The following TCP11L1 variants were observed in gnomAD, a reference collection of about 807,000 sequenced individuals.
The protein encoded by TCP11L1 is t-complex 11 like 1, also known as T-complex protein 11-like protein 1.
A neutral mutation model predicts 48.9 loss-of-function variants in TCP11L1; 28 were observed. The observed-to-expected ratio is 0.57, with a 90% CI of 0.42 to 0.78. The LOEUF (loss-of-function observed/expected upper bound fraction) is 0.78. Ranked by LOEUF, TCP11L1 falls within the 30% of genes least tolerant of loss-of-function variation. The pLI, the probability that TCP11L1 is intolerant of heterozygous loss-of-function variation, is 0.00. For synonymous variants in TCP11L1, 204 were observed against 231.9 expected, an observed-to-expected ratio of 0.88 and a Z score of 1.09; for missense variants, 505 against 613.4, an observed-to-expected ratio of 0.82 and a Z score of 1.87.
intron 1 of TCP11L1, chr11:33,040,227 T>G (rs1853790962): frequency 6.6e-6 from 1 of 152,100 alleles, no homozygotes; most frequent in Admixed American, 6.6e-5. Flanking sequence ...CCTCCTCCCC[T>G]CGGCTCTCTT....
At chr11:33,062,347 A>T (rs1043797524) in intron 7 of TCP11L1, among the ~76,000 whole-genome samples, 1 of 131,832 alleles carries the variant, frequency 7.6e-6, no homozygotes, top group African/African-American at 2.9e-5. Context: ...TTCTGTCTCT[A>T]TGGATTTGCC....
At chr11:33,053,030 C>T (rs908744625) in intron 2 of TCP11L1, among the ~76,000 whole-genome samples, 1 of 152,016 alleles carries the variant, frequency 6.6e-6, no homozygotes, top group Non-Finnish European at 1.5e-5. Flanking sequence ...ATTCTTTGGC[C>T]CTGCTCCAGA....
At chr11:33,040,767 TCCTCTCCCCC>T (rs1564971172) in intron 1 of TCP11L1, 13 of 61,040 alleles carry the variant, frequency 2.1e-4, no homozygotes, top group African/African-American at 7.3e-4. Flanking sequence ...CCTTTTCACC[TCCTCTCCCCC>T]TCCTCTCCCC....
intron 4 of TCP11L1, 94 bp downstream of exon 4, chr11:33,057,329 A>G (rs1854339615): frequency 6.4e-7 from 1 of 1,558,112 alleles, no homozygotes; most frequent in Non-Finnish European, 8.7e-7. Flanking sequence ...AAAGAAATTG[A>G]AGGATCAAGA....
chr11:33,057,891 G>C, intron 4 of TCP11L1, 28 bp from the exon 5 acceptor site: 4 of 1,563,082 alleles, frequency 2.6e-6, no homozygotes, highest in Non-Finnish European at 3.5e-6. Context: ...AAAGAATTTT[G>C]ATTAAACGTA....
At chr11:33,066,551 C>T (rs991293473) in intron 8 of TCP11L1, among the ~76,000 whole-genome samples, 31 of 152,100 alleles carry the variant, frequency 2.0e-4, no homozygotes, top group Middle Eastern at 3.4e-3. Flanking sequence ...AGAGGTCCCG[C>T]GGCCCTCCAT....
chr11:33,062,240 T>C (rs963130180), intron 7 of TCP11L1, among the ~76,000 whole-genome samples: 6 of 152,214 alleles, frequency 3.9e-5, no homozygotes, highest in African/African-American at 1.4e-4. Flanking sequence ...CACTGTTTAA[T>C]TGAGAACATT....
At chr11:33,072,188 C>T (rs1854810605) in intron 9 of TCP11L1, among the ~76,000 whole-genome samples, 1 of 152,152 alleles carries the variant, frequency 6.6e-6, no homozygotes, top group Non-Finnish European at 1.5e-5. Flanking sequence ...TGAGCTTCTC[C>T]TGGGAGCTGG....
At position 33,050,921 on chromosome 11, in the gene TCP11L1, T is replaced by A. The variant is rs188577969; in HGVS notation, c.164-3672T>A. Among the ~76,000 whole-genome samples the A allele has an allele frequency of 7.9e-5, 12 of 152,124 alleles. No individual in the cohort carries two copies. In the East Asian group the frequency reaches 2.3e-3, roughly 29 times the overall value. ...TTCTGCCTCCTGGGCTTAAGCCATCTTCCCGTCTCAGCCTCCTGAGTAGCT... is the reference window on the plus strand; with the variant it reads ...TTCTGCCTCCTGGGCTTAAGCCATCATCCCGTCTCAGCCTCCTGAGTAGCT... On this transcript the variant is annotated intron_variant, in intron 2 of 9. Transcript: ENST00000334274.
Position 33,065,947 on chromosome 11 carries a change from C to T in TCP11L1, c.1090C>T (p.Gln364Ter), listed in dbSNP as rs757377605. ...CATGGCAGCGCCAGGAATTTCCAGC[C>T]AGGCCGACTTTGCTGAGAAACTCAA... Reference protein sequence around the residue: ...FSMAAPGISSQADFAEKLKMI... With the variant: ...FSMAAPGISS Residue 364 changes from glutamine (Q) to a stop codon, truncating the protein, a stop_gained, in exon 8 of 10, where the codon CAG becomes TAG. Transcript: ENST00000334274. LOFTEE classifies it high-confidence loss of function. The T allele has an allele frequency of 5.6e-6, 9 of 1,614,078 alleles. No individual in the cohort carries two copies. Among genetic ancestry groups the T allele is most frequent in the Admixed American group, 1.7e-5 (1 of 60,014 alleles).
chr11:33,058,051 A>G lies in TCP11L1; in HGVS notation c.550A>G (p.Ile184Val), dbSNP rs531452154. The part of the protein sequence containing the change: ...LDISKLAEFI[I>V]GMMGTLCAPA... ...CATTTCCAAGCTGGCAGAATTCATTATTGGCATGATGGGGACACTGTGTGC... is the reference window on the plus strand; with the variant it reads ...CATTTCCAAGCTGGCAGAATTCATTGTTGGCATGATGGGGACACTGTGTGC... The change falls in exon 5 of 10, where the codon ATT (isoleucine) becomes GTT (valine). Residue 184 changes from isoleucine to valine, a missense_variant. Transcript: ENST00000334274. The G allele has an allele frequency of 3.1e-6, 5 of 1,614,054 alleles. No homozygotes were observed. The highest frequency in any genetic ancestry group is 4.2e-6 in the Non-Finnish European group (5 of 1,180,026).
intron 8 of TCP11L1, among the ~76,000 whole-genome samples, chr11:33,066,550 G>A (rs553397652): frequency 1.1e-4 from 16 of 152,026 alleles, no homozygotes; most frequent in Non-Finnish European, 1.8e-4. Flanking sequence ...TAGAGGTCCC[G>A]CGGCCCTCCA....
Position 33,057,951 on chromosome 11 carries a change from T to G in TCP11L1, c.450T>G (p.Thr150=). The G allele has an allele frequency of 6.2e-7, 1 of 1,614,108 alleles. No homozygotes were observed. Among genetic ancestry groups the G allele is most frequent in the Admixed American group, 1.7e-5 (1 of 60,014 alleles). Residue 150 remains threonine, a synonymous_variant, in exon 5 of 10, where the codon ACT becomes ACG. Coordinates refer to ENST00000334274, the MANE Select transcript of TCP11L1 (RefSeq NM_018393.4). ...TATCTTTCTTGCTGCCTGGTCATAC[T>G]AGACTGAGAAACCAGATAACAGAAG... ...TLLSFLLPGH[T]RLRNQITEVL... is the part of the protein sequence containing the mutation.
chr11:33,050,777 A>G (rs1264822520), intron 2 of TCP11L1, among the ~76,000 whole-genome samples: 1 of 151,740 alleles, frequency 6.6e-6, no homozygotes, highest in African/African-American at 2.4e-5. Flanking sequence ...TATCTAAGAA[A>G]TCTTTGCCTA....
intron 2 of TCP11L1, among the ~76,000 whole-genome samples, chr11:33,051,592 A>G (rs570939311): frequency 1.3e-5 from 2 of 152,114 alleles, no homozygotes; most frequent in Non-Finnish European, 2.9e-5. Context: ...GCAGTGGCAC[A>G]ATCTCAGCTC....
At chr11:33,042,927 A>G (rs1275245207) in intron 1 of TCP11L1, among the ~76,000 whole-genome samples, 3 of 152,220 alleles carry the variant, frequency 2.0e-5, no homozygotes, top group Non-Finnish European at 2.9e-5. Context: ...TCAGCCAGGC[A>G]TGGTGGTGGG....
intron 7 of TCP11L1, 24 bp from the exon 8 acceptor site, chr11:33,065,806 G>A (rs977206535): frequency 2.0e-5 from 32 of 1,601,212 alleles, no homozygotes; most frequent in Non-Finnish European, 2.6e-5. Context: ...GCAGCTCAGC[G>A]ATGGCCTCTT....
chr11:33,045,067 AG>A (rs2133692599), intron 2 of TCP11L1, among the ~76,000 whole-genome samples: 1 of 152,332 alleles, frequency 6.6e-6, no homozygotes, highest in African/African-American at 2.4e-5. Context: ...TAAAGATGCC[AG>A]GATTGGCCAG....
chr11:33,071,538 CAA>C (rs1036736521), intron 9 of TCP11L1, among the ~76,000 whole-genome samples: 5 of 152,116 alleles, frequency 3.3e-5, no homozygotes, highest in African/African-American at 9.7e-5. Context: ...TGAGGATACA[CAA>C]GAGTACAAAA....
Sources: allele counts gnomAD v4.1 joint callset (sites outside exome capture counted in the v4.1 genomes callset), GRCh38; gene constraint gnomAD v4.1.1; transcripts MANE v1.5; gene names NCBI Gene and HGNC (gene_info 2026-07-23, HGNC 2026-07-21).